The following RGS8 variants were observed in gnomAD, a reference collection of about 807,000 sequenced individuals.
The protein encoded by RGS8 is regulator of G protein signaling 8.
In RGS8, 8 loss-of-function variants were observed where a neutral mutation model predicts 21.7. The observed-to-expected ratio is 0.37, with a 90% confidence interval of 0.22 to 0.66. The LOEUF (loss-of-function observed/expected upper bound fraction) is 0.66, where lower values mean the gene tolerates loss of function less well. RGS8 is among the 30% of genes least tolerant of loss of function. The pLI, the probability that RGS8 is intolerant of heterozygous loss-of-function variation, is 0.59. For missense variants in RGS8, 157 were observed against 217.9 expected (o/e 0.72, Z 1.76); for synonymous variants, 80 against 83.6 (o/e 0.96, Z 0.24).
At chr1:182,725,811 C>T in the RGS8 span, among the ~76,000 whole-genome samples, 1 of 152,220 alleles carries the variant, frequency 6.6e-6, no homozygotes, top group Admixed American at 6.5e-5. Flanking sequence ...ATCAGCCAGG[C>T]TTCCCCTAGT....
intron 5 of RGS8, among the ~76,000 whole-genome samples, chr1:182,663,049 CT>C (rs1354813161): frequency 1.3e-5 from 2 of 152,152 alleles, no homozygotes; most frequent in Non-Finnish European, 2.9e-5. Flanking sequence ...GGGTTCTAGA[CT>C]CCTGAACATT....
At chr1:182,707,100 T>C in the RGS8 span, among the ~76,000 whole-genome samples, 3 of 151,834 alleles carry the variant, frequency 2.0e-5, no homozygotes, top group Non-Finnish European at 4.4e-5. Context: ...GGAGGTTGCA[T>C]TGAGCCGAGA....
downstream of RGS8, chr1:182,642,593 C>T (rs1662515904): frequency 6.6e-6 from 1 of 152,538 alleles, no homozygotes; most frequent in Non-Finnish European, 1.5e-5. Context: ...GCTCTCAGCA[C>T]AGTTAAGTTC....
chr1:182,706,247 C>T, the RGS8 span, among the ~76,000 whole-genome samples: 2 of 151,976 alleles, frequency 1.3e-5, no homozygotes, highest in African/African-American at 4.8e-5. Context: ...CTTCAGCCTC[C>T]CACAGTGCTT....
At chr1:182,747,807 G>T in the RGS8 span, among the ~76,000 whole-genome samples, 3 of 150,224 alleles carry the variant, frequency 2.0e-5, no homozygotes, top group Non-Finnish European at 3.0e-5. Flanking sequence ...TTTAAGACCT[G>T]CCTGGTCAAT....
the RGS8 span, among the ~76,000 whole-genome samples, chr1:182,750,010 G>T: frequency 1.3e-5 from 2 of 152,252 alleles, no homozygotes; most frequent in East Asian, 3.9e-4. Flanking sequence ...ACCTCAGAAG[G>T]TTGTTATGAA....
chr1:182,749,143 G>A, the RGS8 span, among the ~76,000 whole-genome samples: 18 of 152,048 alleles, frequency 1.2e-4, no homozygotes. Context: ...TACTTTTGAG[G>A]TCTTATCCAA....
intron 5 of RGS8, among the ~76,000 whole-genome samples, chr1:182,664,589 G>A (rs1159674474): frequency 6.6e-6 from 1 of 152,092 alleles, no homozygotes; most frequent in Non-Finnish European, 1.5e-5. Context: ...AAAAAAGTCA[G>A]AATAGCCTCA....
the RGS8 span, among the ~76,000 whole-genome samples, chr1:182,705,259 A>G: frequency 6.6e-6 from 1 of 152,208 alleles, no homozygotes; most frequent in Admixed American, 6.5e-5. Context: ...AGGCCTGAGA[A>G]CAAAGAGTAC....
the RGS8 span, among the ~76,000 whole-genome samples, chr1:182,749,784 A>T: frequency 6.6e-6 from 1 of 152,200 alleles, no homozygotes; most frequent in Non-Finnish European, 1.5e-5. Flanking sequence ...TTTGTTACAC[A>T]GGTAAATGTG....
At chr1:182,700,638 TAGAA>T in the RGS8 span, among the ~76,000 whole-genome samples, 3 of 152,230 alleles carry the variant, frequency 2.0e-5, no homozygotes, top group Admixed American at 2.0e-4. Context: ...ATGAGTGTCT[TAGAA>T]AGACTGAATG....
chr1:182,663,718 AGG>A (rs1663714704), intron 5 of RGS8, among the ~76,000 whole-genome samples: 5 of 152,052 alleles, frequency 3.3e-5, no homozygotes, highest in Non-Finnish European at 5.9e-5. Flanking sequence ...TAGTACAGAC[AGG>A]GTCTCACTAT....
At chr1:182,742,623 C>T in the RGS8 span, among the ~76,000 whole-genome samples, 1 of 152,206 alleles carries the variant, frequency 6.6e-6, no homozygotes, top group Non-Finnish European at 1.5e-5. Context: ...CCTGCAATCG[C>T]AGGCACTCGG....
chr1:182,676,285 C>T (rs1664351455), upstream of RGS8, among the ~76,000 whole-genome samples: 1 of 152,108 alleles, frequency 6.6e-6, no homozygotes, highest in Admixed American at 6.5e-5. Flanking sequence ...GCCAAATGCC[C>T]CTGTGTGTTT....
chr1:182,724,854 G>A, the RGS8 span, among the ~76,000 whole-genome samples: 10 of 152,324 alleles, frequency 6.6e-5, no homozygotes, highest in East Asian at 5.8e-4. Flanking sequence ...CACCGCGCCC[G>A]GCCTAGGCTA....
intron 1 of RGS8, among the ~76,000 whole-genome samples, chr1:182,682,143 A>G (rs570273748): frequency 1.1e-4 from 16 of 152,358 alleles, no homozygotes; most frequent in South Asian, 1.0e-3. Flanking sequence ...TCTAAGTCAT[A>G]AAGTCATTAT....
At chr1:182,659,160 A>G (rs1044758965) in intron 5 of RGS8, among the ~76,000 whole-genome samples, 6 of 152,224 alleles carry the variant, frequency 3.9e-5, no homozygotes, top group African/African-American at 1.4e-4. Context: ...ATGGCTTCTT[A>G]TTCTTAGGAT....
chr1:182,725,585 G>A, the RGS8 span, among the ~76,000 whole-genome samples: 2 of 152,190 alleles, frequency 1.3e-5, no homozygotes, highest in Non-Finnish European at 2.9e-5. Context: ...CACTTCCTAT[G>A]AGGAGCCATA....
chr1:182,711,941 A>G, the RGS8 span, among the ~76,000 whole-genome samples: 2 of 152,316 alleles, frequency 1.3e-5, no homozygotes, highest in African/African-American at 2.4e-5. Flanking sequence ...CGTTGCTTGC[A>G]TAGCTCTGTC....
Sources: allele counts gnomAD v4.1 joint callset (sites outside exome capture counted in the v4.1 genomes callset), GRCh38; gene constraint gnomAD v4.1.1; transcripts MANE v1.5; gene names NCBI Gene and HGNC (gene_info 2026-07-23, HGNC 2026-07-21).